The following PIEZO2 variants were observed in gnomAD, a reference collection of about 807,000 sequenced individuals.
PIEZO2 encodes the protein piezo-type mechanosensitive ion channel component 2.
A neutral mutation model predicts 337.3 loss-of-function variants in PIEZO2; 172 were observed. That is an observed-to-expected ratio of 0.51 (90% CI 0.45 to 0.58). The LOEUF is 0.58. PIEZO2 is among the 20% of genes least tolerant of loss of function. PIEZO2 has a pLI of 0.00. For missense variants in PIEZO2, 3,028 were observed against 3,391.3 expected (o/e 0.89, Z 2.66); for synonymous variants, 1,251 against 1,228.5 (o/e 1.02, Z -0.38).
intron 1 of PIEZO2, among the ~76,000 whole-genome samples, chr18:11,118,089 T>C (rs972724920): frequency 3.3e-5 from 5 of 152,204 alleles, no homozygotes; most frequent in Non-Finnish European, 4.4e-5. Context: ...TTCCACAGAG[T>C]TGACATTTAC....
intron 2 of PIEZO2, among the ~76,000 whole-genome samples, chr18:11,054,379 G>A (rs1346367426): frequency 6.6e-6 from 1 of 152,162 alleles, no homozygotes; most frequent in Non-Finnish European, 1.5e-5. Context: ...ACTATTCTCT[G>A]ATGTTTGCTA....
chr18:10,910,705 T>C (rs1294098482), intron 4 of PIEZO2, among the ~76,000 whole-genome samples: 6 of 152,168 alleles, frequency 3.9e-5, no homozygotes, highest in East Asian at 1.9e-4. Context: ...TTTGGGGAGA[T>C]GCTGGTGTGG....
rs1031052131 is a variant in PIEZO2, at chr18:10,770,317, T to C, written c.2786-9A>G. On this transcript the variant is annotated splice_polypyrimidine_tract_variant and intron_variant, in intron 20 of 55. Transcript: ENST00000674853. Reference sequence around the variant, plus strand: ...CCATTTGTTCCTTAAGTCTGCAAAATAGGAAGTACAGACAAGAGCATAACA... The same window carrying C: ...CCATTTGTTCCTTAAGTCTGCAAAACAGGAAGTACAGACAAGAGCATAACA... 18 of 1,534,472 alleles carry C rather than the reference T, an allele frequency of 1.2e-5. No individual in the cohort carries two copies. The highest frequency in any genetic ancestry group is 1.5e-5 in the Non-Finnish European group (17 of 1,145,574).
At chr18:10,719,032 A>G (rs908424603) in intron 36 of PIEZO2, among the ~76,000 whole-genome samples, 1 of 150,900 alleles carries the variant, frequency 6.6e-6, no homozygotes, top group Non-Finnish European at 1.5e-5. Context: ...TAAATTTGCT[A>G]TGAGGTTCTT....
At chr18:11,090,804 A>T (rs35227366) in intron 1 of PIEZO2, among the ~76,000 whole-genome samples, 49,209 of 150,854 alleles carry the variant, frequency 0.33, 8,445 homozygotes, top group East Asian at 0.63. Context: ...CCTCAGCTAC[A>T]CGGGAGGCTG....
intron 16 of PIEZO2, among the ~76,000 whole-genome samples, chr18:10,785,515 G>A (rs1264643276): frequency 2.0e-5 from 3 of 152,202 alleles, no homozygotes. Context: ...TTCCAAAACA[G>A]TATTCTTGAT....
intron 1 of PIEZO2, among the ~76,000 whole-genome samples, chr18:11,144,020 G>A (rs1034879201): frequency 6.6e-6 from 1 of 152,216 alleles, no homozygotes; most frequent in Non-Finnish European, 1.5e-5. Flanking sequence ...ATCATACAGT[G>A]AAGGGCAGAG....
At chr18:10,695,201 GT>G (rs1409889089) in intron 47 of PIEZO2, among the ~76,000 whole-genome samples, 2 of 152,202 alleles carry the variant, frequency 1.3e-5, no homozygotes, top group Admixed American at 6.5e-5. Flanking sequence ...CATAAACACT[GT>G]TTTGCCTGGA....
chr18:10,715,614 G>A, intron 38 of PIEZO2, 36 bp downstream of exon 38: 1 of 1,475,994 alleles, frequency 6.8e-7, no homozygotes, highest in South Asian at 1.4e-5. Context: ...TTCTTAATGT[G>A]GGAAGGAGCA....
chr18:10,762,599 G>C lies in PIEZO2; in HGVS notation c.3150C>G (p.Pro1050=). Residue 1050 remains proline, a synonymous_variant, in exon 23 of 56, where the codon CCC becomes CCG. Coordinates refer to ENST00000674853, the MANE Select transcript of PIEZO2 (RefSeq NM_001378183.1). ...GCAGAGACTTGTTCAACTCATTAAA[G>C]GGGATGTTTGTTTGATTTTCATTTG... The part of the protein sequence containing the change: ...SLPNENQTNI[P]FNELNKSLLY... The C allele has an allele frequency of 6.5e-7, 1 of 1,537,220 alleles. No homozygotes were observed.
At chr18:11,091,588 T>A (rs539376237) in intron 1 of PIEZO2, among the ~76,000 whole-genome samples, 7 of 152,154 alleles carry the variant, frequency 4.6e-5, no homozygotes, top group Non-Finnish European at 8.8e-5. Flanking sequence ...TTTGGTGTGA[T>A]TCTGGCTCTG....
intron 16 of PIEZO2, among the ~76,000 whole-genome samples, chr18:10,785,290 A>G (rs1192461196): frequency 6.6e-6 from 1 of 151,970 alleles, no homozygotes; most frequent in African/African-American, 2.4e-5. Context: ...CCCCTTTTCT[A>G]TTGGACCTCT....
At chr18:11,091,547 C>G (rs2039092172) in intron 1 of PIEZO2, among the ~76,000 whole-genome samples, 1 of 152,026 alleles carries the variant, frequency 6.6e-6, no homozygotes, top group Admixed American at 6.6e-5. Context: ...AGACAAATTA[C>G]TTAACAAACA....
In PIEZO2 at chr18:10,836,099, A is replaced by G. The variant is rs552004413; in HGVS notation, c.917+19254T>C. On this transcript the variant is annotated intron_variant, in intron 7 of 55. Coordinates refer to ENST00000674853, the MANE Select transcript of PIEZO2 (RefSeq NM_001378183.1). ...ATGATTCCCCCAGGTACTGGATTACATGAGCAAAGTACCACAAAATGGAAT... is the reference window on the plus strand; with the variant it reads ...ATGATTCCCCCAGGTACTGGATTACGTGAGCAAAGTACCACAAAATGGAAT... Among the ~76,000 whole-genome samples the G allele has an allele frequency of 1.3e-4, 20 of 152,232 alleles. No individual in the cohort carries two copies. The East Asian group carries it at 3.7e-3, about 28-fold the overall frequency.
In PIEZO2 at chr18:10,677,564, G is replaced by C; in HGVS notation, c.8081+183C>G. The C allele has an allele frequency of 3.1e-6, 2 of 645,176 alleles. No individual in the cohort carries two copies. The highest frequency in any genetic ancestry group is 4.1e-5 in the South Asian group (2 of 49,296). 40.0% of individuals were successfully genotyped at this position (645,176 alleles called of 1,614,324 possible). A position where few individuals can be genotyped will look rare whatever the true frequency, so the allele number is the denominator to read the frequency against. On this transcript the variant is annotated intron_variant, in intron 53 of 55. Coordinates refer to ENST00000674853, the MANE Select transcript of PIEZO2 (RefSeq NM_001378183.1). This position sits in a 1 kb window ranked among gnomAD's most constrained non-coding sequence, Gnocchi z 4.1. ...GACATAACCCTGGGGACAGTGGACA[G>C]AAAACTCCATAGCTGAGATTAAGTT...
At chr18:10,731,217 ATC>A (rs1567995838) in intron 36 of PIEZO2, among the ~76,000 whole-genome samples, 188 bp downstream of exon 36, 2 of 128,762 alleles carry the variant, frequency 1.6e-5, no homozygotes, top group East Asian at 2.2e-4. Flanking sequence ...ATATATATAT[ATC>A]TCCTAACTTT....
chr18:10,985,567 C>A lies in PIEZO2; in HGVS notation c.161-5907G>T, dbSNP rs367907259. Among the ~76,000 whole-genome samples the A allele has an allele frequency of 1.1e-4, 16 of 152,138 alleles. No homozygotes were observed. In the South Asian group the frequency reaches 2.5e-3, roughly 24 times the overall value. ...ATTTGTCTGTTTTTTATGCCAGTAG[C>A]ATGGTGTTTTAATTACTATAGCTTC... On this transcript the variant is annotated intron_variant, in intron 2 of 55. Coordinates refer to ENST00000674853, the MANE Select transcript of PIEZO2 (RefSeq NM_001378183.1).
chr18:10,811,295 G>A (rs1167134163), intron 7 of PIEZO2, among the ~76,000 whole-genome samples: 2 of 152,110 alleles, frequency 1.3e-5, no homozygotes, highest in Non-Finnish European at 2.9e-5. Context: ...GTCATAATTT[G>A]AATTTCTGCT....
chr18:10,865,729 A>G (rs1016377709), intron 5 of PIEZO2, among the ~76,000 whole-genome samples: 1 of 152,188 alleles, frequency 6.6e-6, no homozygotes, highest in Admixed American at 6.5e-5. Context: ...AGGGGTATTT[A>G]CAATTTAAAG....
Sources: gnomAD v4.1 joint callset for allele counts (sites outside exome capture counted in the v4.1 genomes callset) on GRCh38, gnomAD v4.1.1 for gene constraint, Gnocchi (gnomAD v3.1) non-coding constraint, MANE v1.5 for transcripts, NCBI Gene and HGNC (gene_info 2026-07-23, HGNC 2026-07-21) for gene names.